Variants in CTDSP2 observed in about 807,000 individuals in gnomAD.
CTDSP2 encodes the protein CTD small phosphatase 2.
Under a neutral mutation model 31.6 loss-of-function variants are expected in CTDSP2, and 9 were observed. That is an observed-to-expected ratio of 0.28 (90% CI 0.17 to 0.50). The LOEUF is 0.50. Ranked by LOEUF, CTDSP2 falls within the 20% of genes least tolerant of loss-of-function variation. The pLI, the probability that CTDSP2 is intolerant of heterozygous loss-of-function variation, is 0.98. For missense variants in CTDSP2, 267 were observed against 348.5 expected, an observed-to-expected ratio of 0.77 and a Z score of 1.86; for synonymous variants, 134 against 134.5, an observed-to-expected ratio of 1.00 and a Z score of 0.03.
At chr12:57,844,603 T>G (rs1372032922) in intron 1 of CTDSP2, among the ~76,000 whole-genome samples, 1 of 151,862 alleles carries the variant, frequency 6.6e-6, no homozygotes, top group Non-Finnish European at 1.5e-5. Flanking sequence ...CTTAGGGTCT[T>G]TTCCTGGGAT....
rs763331148 is a variant in CTDSP2 at position 57,827,533 on chromosome 12, C to A, written c.252+19G>T. 1 of 1,613,802 alleles carries A rather than the reference C, an allele frequency of 6.2e-7. No homozygotes were observed. On this transcript the variant is annotated intron_variant, in intron 3 of 7. Transcript: ENST00000398073. ...CAGGATCCTGGCTTCTGAGTACTTA[C>A]CAGGCCAGAGTCACGTACCTGGTAG...
rs1595183780 is a variant in CTDSP2, at chr12:57,822,299, C to T, written c.*1303G>A. 6.6e-6 allele frequency: 1 copy of T among 152,324 alleles called. No individual in the cohort carries two copies. Among genetic ancestry groups the T allele is most frequent in the Admixed American group, 6.5e-5 (1 of 15,300 alleles). The allele number at this position is 152,324 out of a possible 1,614,324, so 9.4% of individuals were successfully genotyped here. A position where few individuals can be genotyped will look rare whatever the true frequency, so the allele number is the denominator to read the frequency against. On this transcript the variant is annotated 3_prime_UTR_variant, in exon 8 of 8. Coordinates refer to ENST00000398073, the MANE Select transcript of CTDSP2 (RefSeq NM_005730.4). The stretch of plus-strand genomic sequence containing the variant: ...ATTTTAAAGCATTCACTATTAAGAA[C>T]CTTTGAAAGCAGGAGACACCCAGAG...
At chr12:57,837,489 G>A (rs183869851) in intron 1 of CTDSP2, among the ~76,000 whole-genome samples, 5 of 152,202 alleles carry the variant, frequency 3.3e-5, no homozygotes, top group South Asian at 2.1e-4. Context: ...TCAGAAGTTC[G>A]AGACCAGCAT....
intron 1 of CTDSP2, among the ~76,000 whole-genome samples, chr12:57,836,063 A>C (rs951206169): frequency 5.3e-5 from 8 of 152,186 alleles, no homozygotes; most frequent in African/African-American, 1.4e-4. Context: ...CATGGGCCTC[A>C]TTCCAGGAGG....
rs549626116 is a variant in CTDSP2 at position 57,842,190 on chromosome 12, A to G, written c.64+4182T>C. 10 of 152,326 alleles carry G rather than the reference A, an allele frequency of 6.6e-5. No individual in the cohort carries two copies. In the East Asian group the frequency reaches 1.9e-3, roughly 29 times the overall value. 9.4% of individuals were successfully genotyped at this position (152,326 alleles called of 1,614,324 possible). On this transcript the variant is annotated intron_variant, in intron 1 of 7. Transcript: ENST00000398073. The stretch of plus-strand genomic sequence containing the variant: ...TATTGATATGTACACACATACACAC[A>G]ATCCCATATATATTTACATATTGTC...
At chr12:57,845,015 G>A (rs1443053703) in intron 1 of CTDSP2, among the ~76,000 whole-genome samples, 3 of 152,176 alleles carry the variant, frequency 2.0e-5, no homozygotes, top group South Asian at 2.1e-4. Flanking sequence ...TCCTTGGAAC[G>A]TGAACCCCAG....
At chr12:57,844,491 G>A (rs907260059) in intron 1 of CTDSP2, among the ~76,000 whole-genome samples, 2 of 152,178 alleles carry the variant, frequency 1.3e-5, no homozygotes, top group Admixed American at 6.5e-5. Context: ...CCCTGCAAGA[G>A]AGGAAGACCT....
rs1956144883 is a variant in CTDSP2 at position 57,821,555 on chromosome 12, C to T, written c.*2047G>A. On this transcript the variant is annotated 3_prime_UTR_variant, in exon 8 of 8. Coordinates refer to ENST00000398073, the MANE Select transcript of CTDSP2 (RefSeq NM_005730.4). ...AGACGGCAAAAGATTTGGCCAAGGG[C>T]TAACCCTTAGGGTGGGGCTTGGAAG... is the stretch of plus-strand genomic sequence containing the variant. The T allele has an allele frequency of 6.6e-6, 1 of 152,634 alleles. No individual in the cohort carries two copies. Among genetic ancestry groups the T allele is most frequent in the Non-Finnish European group, 1.5e-5 (1 of 68,068 alleles). 9.5% of individuals were successfully genotyped at this position (152,634 alleles called of 1,614,324 possible).
At chr12:57,826,500 A>G in intron 4 of CTDSP2, 98 bp from the exon 5 acceptor site, 3 of 1,183,744 alleles carry the variant, frequency 2.5e-6, no homozygotes, top group Non-Finnish European at 3.7e-6. Context: ...GGTCTTAAAG[A>G]CTCCTGGAAG....
chr12:57,827,399 C>A, intron 3 of CTDSP2, 153 bp downstream of exon 3: 1 of 782,552 alleles, frequency 1.3e-6, no homozygotes, highest in East Asian at 2.7e-5. Context: ...TTGCACATAG[C>A]AGGCCCTCAA....
chr12:57,846,416 A>G lies in CTDSP2; in HGVS notation c.20T>C (p.Ile7Thr), dbSNP rs112054763. The change falls in exon 1 of 8, where the codon ATC becomes ACC. Residue 7 changes from isoleucine to threonine, a missense_variant. Physicochemically the swap from Ile to Thr is moderately conservative, Grantham distance 89. Coordinates refer to ENST00000398073, the MANE Select transcript of CTDSP2 (RefSeq NM_005730.4). The part of the protein sequence containing the change: MEHGSI[I>T]TQARREDALV... ...GGCGTCTTCCCTCCGCGCCTGGGTGATGATGGAGCCGTGTTCCATCTAACA... is the reference window on the plus strand; with the variant it reads ...GGCGTCTTCCCTCCGCGCCTGGGTGGTGATGGAGCCGTGTTCCATCTAACA... 20 of 1,606,992 alleles carry G rather than the reference A, an allele frequency of 1.2e-5. No homozygotes were observed. The highest frequency in any genetic ancestry group is 1.7e-5 in the Non-Finnish European group (20 of 1,177,130).
At chr12:57,839,544 G>A (rs113278355) in intron 1 of CTDSP2, among the ~76,000 whole-genome samples, 2 of 151,948 alleles carry the variant, frequency 1.3e-5, no homozygotes, top group South Asian at 2.1e-4. Context: ...CAGTGAAACC[G>A]CGTCTCTACT....
rs1238423497 is a variant in CTDSP2 at position 57,846,452 on chromosome 12, C to A, written c.-17G>T. 6.4e-6 allele frequency: 10 copies of A among 1,573,030 alleles called. No homozygotes were observed. The highest frequency in any genetic ancestry group is 1.4e-5 in the African/African-American group (1 of 72,224). ...GTGTTCCATCTAACAATCCCGCGGG[C>A]CCGGGCTGGCTGGGCGGGAGGACGG... On this transcript the variant is annotated 5_prime_UTR_variant, in exon 1 of 8. Coordinates refer to ENST00000398073, the MANE Select transcript of CTDSP2 (RefSeq NM_005730.4).
rs1054248548 is a variant in CTDSP2, at chr12:57,819,938, G to T, written c.*3664C>A. On this transcript the variant is annotated 3_prime_UTR_variant, in exon 8 of 8. Coordinates refer to ENST00000398073, the MANE Select transcript of CTDSP2 (RefSeq NM_005730.4). Reference sequence around the variant, plus strand: ...GGTGGCAGCTCACATTCCTGGAAAGGTTTTTTAAACCCACTTTTATTAATT... The same window carrying T: ...GGTGGCAGCTCACATTCCTGGAAAGTTTTTTTAAACCCACTTTTATTAATT... 1 of 152,620 alleles carries T rather than the reference G, an allele frequency of 6.6e-6. No individual in the cohort carries two copies. Among genetic ancestry groups the T allele is most frequent in the African/African-American group, 2.4e-5 (1 of 41,448 alleles). The allele number at this position is 152,620 out of a possible 1,614,324, so 9.5% of individuals were successfully genotyped here. A position where few individuals can be genotyped will look rare whatever the true frequency, so the allele number is the denominator to read the frequency against.
chr12:57,842,181 C>T (rs1275095822), intron 1 of CTDSP2: 2 of 152,196 alleles, frequency 1.3e-5, no homozygotes, highest in Non-Finnish European at 2.9e-5. Flanking sequence ...TATGTACACA[C>T]ATACACACAA....
chr12:57,829,720 G>A (rs999090187), intron 1 of CTDSP2, 124 bp from the exon 2 acceptor site: 1 of 742,804 alleles, frequency 1.3e-6, no homozygotes, highest in Non-Finnish European at 2.3e-6. Context: ...TACGGCTGGT[G>A]AACAACCACA....
rs1378053190 is a variant in CTDSP2 at position 57,827,575 on chromosome 12, A to G, written c.229T>C (p.Cys77Arg). The change falls in exon 3 of 8, where the codon TGT becomes CGT. Residue 77 changes from cysteine to arginine, a missense_variant. Physicochemically the swap from Cys to Arg is radical, Grantham distance 180. Transcript: ENST00000398073. ...ACCTGGTAGAACTGGTACTGGAGAC[A>G]CTGGAGCAGATCCGACTGAGGAAGA... ...NTIAKSDLLQ[C>R]LQYQFYQIPG... is the part of the protein sequence containing the mutation. The G allele has an allele frequency of 6.2e-7, 1 of 1,614,092 alleles. No homozygotes were observed. The highest frequency in any genetic ancestry group is 8.5e-7 in the Non-Finnish European group (1 of 1,179,972).
At chr12:57,845,686 C>T (rs1470941209) in intron 1 of CTDSP2, among the ~76,000 whole-genome samples, 1 of 152,174 alleles carries the variant, frequency 6.6e-6, no homozygotes, top group Non-Finnish European at 1.5e-5. Context: ...GGCCGGGCCT[C>T]AGGGTCGGGC....
At chr12:57,830,398 C>A (rs1565845943) in intron 1 of CTDSP2, among the ~76,000 whole-genome samples, 3 of 151,754 alleles carry the variant, frequency 2.0e-5, no homozygotes, top group Non-Finnish European at 2.9e-5. Flanking sequence ...AAAACAACAA[C>A]AAAAACAAAC....
Sources: gnomAD v4.1 joint callset for allele counts (sites outside exome capture counted in the v4.1 genomes callset) on GRCh38, gnomAD v4.1.1 for gene constraint, MANE v1.5 for transcripts, NCBI Gene and HGNC (gene_info 2026-07-23, HGNC 2026-07-21) for gene names.